APC: variants seen among roughly 807,000 people sequenced by gnomAD.
APC encodes APC regulator of Wnt signaling pathway.
In APC, 72 loss-of-function variants were observed where a neutral mutation model predicts 247.0. The ratio of observed to expected loss-of-function variants is 0.29; its 90% CI spans 0.24 to 0.35. The LOEUF (loss-of-function observed/expected upper bound fraction) is 0.35. Among genes scored for constraint, APC ranks in the 10% least tolerant of loss-of-function variants. The pLI, the probability that APC is intolerant of heterozygous loss-of-function variation, is 1.00. For synonymous variants in APC, 1,254 were observed against 1,162.5 expected, an observed-to-expected ratio of 1.08 and a Z score of -1.60; for missense variants, 3,400 against 3,360.7, an observed-to-expected ratio of 1.01 and a Z score of -0.29.
chr5:112,745,548 TTTATTATTATTA>T (rs139166227), intron 1 of APC, among the ~76,000 whole-genome samples: 1 of 148,682 alleles, frequency 6.7e-6, no homozygotes, highest in South Asian at 2.1e-4. Context: ...TAATATTCAC[TTTATTATTATTA>T]TTATTATTAT....
intron 2 of APC, among the ~76,000 whole-genome samples, chr5:112,761,930 T>G (rs890091042): frequency 5.3e-5 from 8 of 152,102 alleles, no homozygotes; most frequent in Non-Finnish European, 1.2e-4. Context: ...AAGACTTCAT[T>G]AAGAAAATGA....
In APC at chr5:112,753,595, T is replaced by A. The variant is rs1486030633; in HGVS notation, c.-18-1278T>A. The stretch of plus-strand genomic sequence containing the variant: ...TTCAACCAAAGACTTTTGTAGGTGA[T>A]CCCTGCCTGCAGGACTCCCCTTCCT... On this transcript the variant is annotated intron_variant, in intron 1 of 15. Transcript: ENST00000257430. 3.3e-5 allele frequency among the ~76,000 whole-genome samples: 5 copies of A among 152,128 alleles called. 1 individual carries two copies. In the East Asian group the frequency reaches 9.7e-4, roughly 29 times the overall value.
chr5:112,825,866 C>T (rs1490467589), intron 11 of APC, among the ~76,000 whole-genome samples: 4 of 152,160 alleles, frequency 2.6e-5, no homozygotes, highest in Admixed American at 1.3e-4. Flanking sequence ...AATCTGTACG[C>T]TCTTCATAAA....
At chr5:112,780,605 C>G (rs1331500529) in intron 5 of APC, among the ~76,000 whole-genome samples, 185 bp from the exon 6 acceptor site, 1 of 152,120 alleles carries the variant, frequency 6.6e-6, no homozygotes, top group Non-Finnish European at 1.5e-5. Context: ...CATCAGGGAT[C>G]CAGATTGAGT....
At position 112,707,587 on chromosome 5, in the gene APC, G is replaced by GT. The variant is rs1750583446; in HGVS notation, c.-131_-130insT. The GT allele has an allele frequency of 2.0e-6, 2 of 997,898 alleles. No individual in the cohort carries two copies. The highest frequency in any genetic ancestry group is 2.8e-6 in the Non-Finnish European group (2 of 716,048). 61.8% of individuals were successfully genotyped at this position (997,898 alleles called of 1,614,324 possible). ...CCGCCGGAAGCCTAGCCGCTGCTCG[G>GT]GGGGGACCTGCGGGCTCAGGCCCGG... is the stretch of plus-strand genomic sequence containing the variant. On this transcript the variant is annotated 5_prime_UTR_variant, in exon 1 of 14. Transcript: ENST00000507379.
intron 6 of APC, among the ~76,000 whole-genome samples, chr5:112,784,339 A>G (rs1758712016): frequency 6.6e-6 from 1 of 152,182 alleles, no homozygotes; most frequent in Non-Finnish European, 1.5e-5. Flanking sequence ...AAGTGCTGGG[A>G]TTACAGGCAT....
intron 9 of APC, among the ~76,000 whole-genome samples, chr5:112,817,600 T>C (rs1191073414): frequency 6.6e-6 from 1 of 152,250 alleles, no homozygotes; most frequent in Non-Finnish European, 1.5e-5. Context: ...AAAGAAAATC[T>C]TGAATATTCA....
At chr5:112,755,618 A>G (rs1195839366) in intron 2 of APC, among the ~76,000 whole-genome samples, 8 of 152,232 alleles carry the variant, frequency 5.3e-5, no homozygotes, top group African/African-American at 1.4e-4. Flanking sequence ...GGCACCTTCA[A>G]GCCCTAAAAT....
chr5:112,768,377 GAAAA>G (rs1049843236), intron 4 of APC, among the ~76,000 whole-genome samples: 1 of 148,102 alleles, frequency 6.8e-6, no homozygotes, highest in Non-Finnish European at 1.5e-5. Context: ...AAAAAAAAAA[GAAAA>G]AAAGTAGTAA....
chr5:112,824,208 C>T (rs569632193), intron 11 of APC, among the ~76,000 whole-genome samples: 1 of 152,264 alleles, frequency 6.6e-6, no homozygotes, highest in East Asian at 1.9e-4. Flanking sequence ...TTCTAACAGG[C>T]ACCAAGAAAA....
At chr5:112,723,486 G>A (rs1751599680) in intron 1 of APC, among the ~76,000 whole-genome samples, 1 of 152,006 alleles carries the variant, frequency 6.6e-6, no homozygotes, top group South Asian at 2.1e-4. Context: ...AAAGATCCAG[G>A]AGCTGTGGAT....
intron 1 of APC, among the ~76,000 whole-genome samples, chr5:112,746,918 A>G (rs1753749235): frequency 1.3e-5 from 2 of 151,572 alleles, no homozygotes; most frequent in South Asian, 4.2e-4. Flanking sequence ...ATTGGAATTC[A>G]TAGAATCATT....
chr5:112,810,036 A>G (rs924612224), intron 8 of APC: 1 of 406,920 alleles, frequency 2.5e-6, no homozygotes, highest in Admixed American at 3.1e-5. Flanking sequence ...CTAACTGTAA[A>G]GATGTCTAGA....
chr5:112,735,498 T>TAC (rs1024227739), upstream of APC, among the ~76,000 whole-genome samples: 59 of 104,828 alleles, frequency 5.6e-4, no homozygotes, highest in East Asian at 0.018. Context: ...TTTTAATGCA[T>TAC]ACATATATAT....
intron 1 of APC, among the ~76,000 whole-genome samples, chr5:112,744,093 C>A (rs1195781295): frequency 6.6e-6 from 1 of 152,060 alleles, no homozygotes; most frequent in East Asian, 1.9e-4. Flanking sequence ...CCTCCCACCT[C>A]AGCCTCCCAG....
intron 1 of APC, among the ~76,000 whole-genome samples, chr5:112,724,640 A>G (rs1194300352): frequency 1.3e-5 from 2 of 152,130 alleles, no homozygotes; most frequent in African/African-American, 4.8e-5. Context: ...CTCTGGAAGG[A>G]GGACTTAGGG....
At chr5:112,819,414 T>C (rs2149784778) in intron 10 of APC, 70 bp downstream of exon 10, 2 of 1,592,340 alleles carry the variant, frequency 1.3e-6, no homozygotes, top group South Asian at 1.1e-5. Flanking sequence ...ACAGAAAACA[T>C]GTTTAGTTAA....
rs942237685 is a variant in APC, at chr5:112,755,081, C to A, written c.135+56C>A. On this transcript the variant is annotated intron_variant, in intron 2 of 15. Transcript: ENST00000257430. The stretch of plus-strand genomic sequence containing the variant: ...TATCCATTTTTATTCAGTATTCCCT[C>A]TTGTAAACTTGAGGTAAGACACTTT... 4.4e-6 allele frequency: 7 copies of A among 1,607,186 alleles called. No individual in the cohort carries two copies. The African/African-American group carries it at 8.0e-5, about 18-fold the overall frequency.
Position 112,844,772 on chromosome 5 carries a change from A to G in APC, c.*646A>G, listed in dbSNP as rs563426648. The G allele has an allele frequency of 1.3e-5, 3 of 232,030 alleles. No homozygotes were observed. Among genetic ancestry groups the G allele is most frequent in the East Asian group, 6.1e-5 (1 of 16,294 alleles). 14.4% of individuals were successfully genotyped at this position (232,030 alleles called of 1,614,324 possible). ...ACTATTTTGTGCTCCAAACAAAACA[A>G]AAATCTGTGTAACTGTAAAACATTG... On this transcript the variant is annotated 3_prime_UTR_variant, in exon 16 of 16. Coordinates refer to ENST00000257430, the MANE Select transcript of APC (RefSeq NM_000038.6).
Sources: gnomAD v4.1 joint callset for allele counts (sites outside exome capture counted in the v4.1 genomes callset) on GRCh38, gnomAD v4.1.1 for gene constraint, MANE v1.5 for transcripts, NCBI Gene and HGNC (gene_info 2026-07-23, HGNC 2026-07-21) for gene names.